The following WDFY3 variants were observed in gnomAD, a reference collection of about 807,000 sequenced individuals.
WDFY3 encodes the protein WD repeat and FYVE domain-containing protein 3.
In WDFY3, 66 loss-of-function variants were observed where a neutral mutation model predicts 409.6. The ratio of observed to expected loss-of-function variants is 0.16; its 90% CI spans 0.13 to 0.20. The LOEUF (loss-of-function observed/expected upper bound fraction) is 0.20, where lower values mean the gene tolerates loss of function less well. WDFY3 is among the 10% of genes least tolerant of loss of function. The pLI, the probability that WDFY3 is intolerant of heterozygous loss-of-function variation, is 1.00. For synonymous variants in WDFY3, 1,521 were observed against 1,537.1 expected (o/e 0.99, Z 0.25); for missense variants, 3,031 against 4,298.1 (o/e 0.71, Z 8.24).
chr4:84,765,691 A>G (rs1421389137), intron 32 of WDFY3, 119 bp downstream of exon 32: 2 of 777,870 alleles, frequency 2.6e-6, no homozygotes, highest in African/African-American at 3.5e-5. Flanking sequence ...TCTATCATTA[A>G]TTAAAATTAA....
rs80077671 is a variant in WDFY3, at chr4:84,885,960, A to C, written c.-32+10951T>G. 6.0e-3 allele frequency among the ~76,000 whole-genome samples: 920 copies of C among 152,306 alleles called. 12 individuals carry two copies. The highest frequency in any genetic ancestry group is 0.021 in the African/African-American group (869 of 41,562). On this transcript the variant is annotated intron_variant, in intron 3 of 67. Coordinates refer to ENST00000295888, the MANE Select transcript of WDFY3 (RefSeq NM_014991.6). Reference sequence around the variant, plus strand: ...ACTGAGCAAAAGAACAGGCAAACCAAAGTTGATATACAACTATATATAGTT... The same window carrying C: ...ACTGAGCAAAAGAACAGGCAAACCACAGTTGATATACAACTATATATAGTT...
chr4:84,744,582 G>A lies in WDFY3; in HGVS notation c.5974-783C>T, dbSNP rs543533841. On this transcript the variant is annotated intron_variant, in intron 36 of 67. Coordinates refer to ENST00000295888, the MANE Select transcript of WDFY3 (RefSeq NM_014991.6). ...AAAAAAGTAAGAAGGGGCCGGGCGC[G>A]GTGGCTCACGCCTGTAATCCCAGCA... Among the ~76,000 whole-genome samples the A allele has an allele frequency of 2.4e-4, 37 of 152,044 alleles. No individual in the cohort carries two copies. In the South Asian group the frequency reaches 7.3e-3, roughly 30 times the overall value.
Position 84,736,308 on chromosome 4 carries a change from T to G in WDFY3, c.6777A>C (p.Ile2259=), listed in dbSNP as rs1385198912. ...QNHLAHEKKC[I]SRGEALAPTT... ...TGGGCGCTAAAGCTTCTCCTCGACT[T>G]ATGCATTTCTTTTCATGGGCTATTA... The change falls in exon 42 of 68, where the codon ATA becomes ATC. Residue 2259 remains isoleucine, a synonymous_variant. Coordinates refer to ENST00000295888, the MANE Select transcript of WDFY3 (RefSeq NM_014991.6). 6.3e-7 allele frequency: 1 copy of G among 1,593,304 alleles called. No individual in the cohort carries two copies. The highest frequency in any genetic ancestry group is 2.2e-5 in the East Asian group (1 of 44,724).
At chr4:84,839,388 G>A (rs946281048) in intron 6 of WDFY3, among the ~76,000 whole-genome samples, 2 of 152,088 alleles carry the variant, frequency 1.3e-5, no homozygotes, top group African/African-American at 4.8e-5. Flanking sequence ...AGTAGAGTCA[G>A]ATACATGAAA....
In WDFY3 at chr4:84,961,460, C is replaced by CT. The variant is rs140719221; in HGVS notation, c.-226+4748dup. ...TTTAATTCTAATTTTCTAAACAAAG[C>CT]TTTATCTACCTGTTTAAAATGGTTC... is the stretch of plus-strand genomic sequence containing the variant. On this transcript the variant is annotated intron_variant, in intron 1 of 67. Coordinates refer to ENST00000295888, the MANE Select transcript of WDFY3 (RefSeq NM_014991.6). Among the ~76,000 whole-genome samples, 1,084 of 151,864 alleles carry CT rather than the reference C, an allele frequency of 7.1e-3. 12 individuals are homozygous for CT. Among genetic ancestry groups the CT allele is most frequent in the African/African-American group, 0.025 (1,040 of 41,408 alleles).
chr4:84,834,034 G>A (rs1394234179), intron 7 of WDFY3, among the ~76,000 whole-genome samples: 2 of 152,136 alleles, frequency 1.3e-5, no homozygotes, highest in Non-Finnish European at 2.9e-5. Context: ...TACCATATGT[G>A]AATACAGACA....
chr4:84,890,201 G>A (rs1303990859), intron 3 of WDFY3, among the ~76,000 whole-genome samples: 1 of 152,008 alleles, frequency 6.6e-6, no homozygotes, highest in African/African-American at 2.4e-5. Flanking sequence ...CCAGACTCAG[G>A]CAATCCTCCT....
At chr4:84,681,171 G>T (rs1224395606) in intron 64 of WDFY3, among the ~76,000 whole-genome samples, 1 of 152,102 alleles carries the variant, frequency 6.6e-6, no homozygotes, top group African/African-American at 2.4e-5. Context: ...AATCCTTCCT[G>T]TGGGCTGTTC....
intron 64 of WDFY3, among the ~76,000 whole-genome samples, chr4:84,679,943 T>G (rs1727072654): frequency 6.6e-6 from 1 of 151,696 alleles, no homozygotes; most frequent in African/African-American, 2.4e-5. Flanking sequence ...CAGGCTGGAG[T>G]GCAGTGGCAT....
chr4:84,956,870 T>C (rs1249267155), intron 1 of WDFY3, among the ~76,000 whole-genome samples: 1 of 152,086 alleles, frequency 6.6e-6, no homozygotes, highest in Non-Finnish European at 1.5e-5. Flanking sequence ...TTGATAACCA[T>C]GGTGTTCTTT....
At chr4:84,881,171 T>A (rs528110520) in intron 3 of WDFY3, among the ~76,000 whole-genome samples, 23 of 152,310 alleles carry the variant, frequency 1.5e-4, no homozygotes, top group African/African-American at 4.8e-4. Flanking sequence ...AATTGCTTAA[T>A]ATTACATCAC....
chr4:84,887,409 T>C (rs1764379561), intron 3 of WDFY3, among the ~76,000 whole-genome samples: 1 of 152,208 alleles, frequency 6.6e-6, no homozygotes, highest in African/African-American at 2.4e-5. Flanking sequence ...TTTCTGCCCA[T>C]TGGCTTGTAA....
chr4:84,848,187 C>G (rs1758380574), intron 5 of WDFY3, among the ~76,000 whole-genome samples: 1 of 150,804 alleles, frequency 6.6e-6, no homozygotes, highest in African/African-American at 2.4e-5. Flanking sequence ...AAAAATAGGT[C>G]TACCACAAGG....
rs185519616 is a variant in WDFY3, at chr4:84,913,114, C to A, written c.-131-16104G>T. Among the ~76,000 whole-genome samples, 271 of 152,250 alleles carry A rather than the reference C, an allele frequency of 1.8e-3. 1 individual carries two copies. Among genetic ancestry groups the A allele is most frequent in the Non-Finnish European group, 2.3e-3 (158 of 68,020 alleles). On this transcript the variant is annotated intron_variant, in intron 2 of 67. Transcript: ENST00000295888. Reference sequence around the variant, plus strand: ...CACCCAGAACCTCATGAGTTCAACACCTATGCATTGAAGGGTCTACTTGAA... The same window carrying A: ...CACCCAGAACCTCATGAGTTCAACAACTATGCATTGAAGGGTCTACTTGAA...
rs183682539 is a variant in WDFY3, at chr4:84,689,786, G to C, written c.9363+720C>G. Reference sequence around the variant, plus strand: ...GTAGAATTGTGTCGACTAGAGTTTTGTATTTGTAGAATACTCAACACAGTC... The same window carrying C: ...GTAGAATTGTGTCGACTAGAGTTTTCTATTTGTAGAATACTCAACACAGTC... On this transcript the variant is annotated intron_variant, in intron 61 of 67. Transcript: ENST00000295888. Among the ~76,000 whole-genome samples, 362 of 152,190 alleles carry C rather than the reference G, an allele frequency of 2.4e-3. 3 individuals are homozygous for C. The highest frequency in any genetic ancestry group is 8.1e-3 in the African/African-American group (338 of 41,528).
intron 6 of WDFY3, among the ~76,000 whole-genome samples, chr4:84,840,434 A>AT (rs1757164695): frequency 6.6e-6 from 1 of 152,184 alleles, no homozygotes; most frequent in African/African-American, 2.4e-5. Context: ...ATAAAGAGTG[A>AT]TTTTTTTATT....
At chr4:84,753,232 A>G (rs1372907548) in intron 35 of WDFY3, among the ~76,000 whole-genome samples, 1 of 152,230 alleles carries the variant, frequency 6.6e-6, no homozygotes, top group African/African-American at 2.4e-5. Flanking sequence ...TGAAAAAAGA[A>G]AAGTCAGGCG....
At chr4:84,803,086 G>A (rs577645278) in intron 16 of WDFY3, among the ~76,000 whole-genome samples, 9 of 152,270 alleles carry the variant, frequency 5.9e-5, no homozygotes, top group African/African-American at 2.2e-4. Flanking sequence ...TCTTTGTAAT[G>A]AATGAATTAG....
chr4:84,958,392 C>CATT, intron 1 of WDFY3, among the ~76,000 whole-genome samples: 1 of 152,298 alleles, frequency 6.6e-6, no homozygotes, highest in East Asian at 1.9e-4. Context: ...ATTCAACAAA[C>CATT]ATTAATTCAA....
Sources: gnomAD v4.1 joint callset for allele counts (sites outside exome capture counted in the v4.1 genomes callset) on GRCh38, gnomAD v4.1.1 for gene constraint, MANE v1.5 for transcripts, NCBI Gene and HGNC (gene_info 2026-07-23, HGNC 2026-07-21) for gene names.